The following LEF1 variants were observed in gnomAD, a reference collection of about 807,000 sequenced individuals.
The protein encoded by LEF1 is lymphoid enhancer binding factor 1, also known as lymphoid enhancer-binding factor 1.
LEF1 carries 14 observed loss-of-function variants against 51.2 expected under a neutral mutation model. The observed-to-expected ratio is 0.27, with a 90% CI of 0.18 to 0.43. LEF1 has a LOEUF of 0.43. Among genes scored for constraint, LEF1 ranks in the 20% least tolerant of loss-of-function variants. The probability of loss-of-function intolerance (pLI) is 1.00; values close to 1 mark genes in which losing one functional copy is unlikely to be tolerated. For synonymous variants in LEF1, 185 were observed against 183.2 expected (o/e 1.01, Z -0.08); for missense variants, 386 against 512.0 (o/e 0.75, Z 2.37).
chr4:108,149,596 T>C (rs983602651), intron 3 of LEF1, among the ~76,000 whole-genome samples: 12 of 150,956 alleles, frequency 7.9e-5, no homozygotes, highest in Non-Finnish European at 5.9e-5. Context: ...TATATATTTG[T>C]GTGTATATAT....
intron 3 of LEF1, among the ~76,000 whole-genome samples, chr4:108,137,682 C>A (rs1201824073): frequency 6.6e-6 from 1 of 151,984 alleles, no homozygotes; most frequent in African/African-American, 2.4e-5. Context: ...CTCATCTCAC[C>A]CATCATATCC....
chr4:108,163,682 G>T lies in LEF1; in HGVS notation c.300C>A (p.Gly100=), dbSNP rs761318436. ...HPDDGKHPDG[G]LYNKGPSYSS... is the part of the protein sequence containing the mutation. ...AGTAGGAGGGTCCCTTGTTGTAGAG[G>T]CCTCCATCTGGATGCTTTCCTGGGA... The change falls in exon 3 of 12, where the codon GGC becomes GGA. Residue 100 remains glycine (G), a synonymous_variant. Transcript: ENST00000265165. 6.2e-7 allele frequency: 1 copy of T among 1,613,446 alleles called. No homozygotes were observed.
intron 3 of LEF1, among the ~76,000 whole-genome samples, chr4:108,133,384 T>C (rs886168537): frequency 6.6e-6 from 1 of 152,212 alleles, no homozygotes; most frequent in African/African-American, 2.4e-5. Flanking sequence ...AAGTAATACA[T>C]GTTAAGCAAT....
At chr4:108,096,420 A>G (rs1343546299) in intron 3 of LEF1, among the ~76,000 whole-genome samples, 1 of 152,218 alleles carries the variant, frequency 6.6e-6, no homozygotes, top group Non-Finnish European at 1.5e-5. Context: ...GATCACAGAC[A>G]TGAAAAATAA....
rs1745475920 is a variant in LEF1 at position 108,167,350 on chromosome 4, C to CTACACA, written c.213+199_213+204dup. ...TTACCCTGCCCCTCTACCTCCCATC[C>CTACACA]TACACACACACACACACACACACAC... On this transcript the variant is annotated intron_variant, in intron 1 of 11. Transcript: ENST00000265165. The surrounding 1 kb of genome is among the most constrained non-coding windows in gnomAD (Gnocchi z 5.7). 8.9e-6 allele frequency among the ~76,000 whole-genome samples: 1 copy of CTACACA among 112,116 alleles called. No individual in the cohort carries two copies. The highest frequency in any genetic ancestry group is 1.9e-5 in the Non-Finnish European group (1 of 52,682). 73.6% of individuals were successfully genotyped at this position (112,116 alleles called of 152,430 possible).
chr4:108,153,150 C>G (rs570139103), intron 3 of LEF1, among the ~76,000 whole-genome samples: 2 of 152,314 alleles, frequency 1.3e-5, no homozygotes, highest in South Asian at 2.1e-4. Context: ...AGGAAGGACA[C>G]TCATCTCTTT....
chr4:108,054,611 C>T (rs1039060256), intron 11 of LEF1, among the ~76,000 whole-genome samples: 6 of 152,280 alleles, frequency 3.9e-5, no homozygotes, highest in South Asian at 2.1e-4. Flanking sequence ...CAACTTCACA[C>T]GACACATTCG....
intron 3 of LEF1, among the ~76,000 whole-genome samples, chr4:108,113,380 G>A (rs1371953675): frequency 6.6e-6 from 1 of 152,026 alleles, no homozygotes; most frequent in Admixed American, 6.6e-5. Context: ...TTACAGGGGA[G>A]AAGGGAACAC....
intron 4 of LEF1, among the ~76,000 whole-genome samples, chr4:108,088,745 T>TAACATCTGAAGTAA (rs70949011): frequency 0.83 from 125,542 of 151,978 alleles, 53,268 homozygotes; most frequent in East Asian, 0.96. Flanking sequence ...TTCAAAAGAA[T>TAACATCTGAAGTAA]AAATCTCCTA....
chr4:108,117,400 T>G (rs1179201854), intron 3 of LEF1, among the ~76,000 whole-genome samples: 1 of 152,238 alleles, frequency 6.6e-6, no homozygotes, highest in Non-Finnish European at 1.5e-5. Flanking sequence ...ATGACAAGAT[T>G]CAACCTCCAC....
At chr4:108,089,077 C>T (rs374665100) in intron 4 of LEF1, 48 bp downstream of exon 4, 1 of 1,610,978 alleles carries the variant, frequency 6.2e-7, no homozygotes, top group Non-Finnish European at 8.5e-7. Context: ...TGAGATTTGG[C>T]TCTTCATTTG....
In LEF1 at chr4:108,054,203, C is replaced by T. The variant is rs551551121; in HGVS notation, c.*7-5452G>A. Among the ~76,000 whole-genome samples, 69 of 152,254 alleles carry T rather than the reference C, an allele frequency of 4.5e-4. 1 individual carries two copies. The highest frequency in any genetic ancestry group is 9.2e-4 in the Admixed American group (14 of 15,300). On this transcript the variant is annotated intron_variant, in intron 11 of 11. Coordinates refer to ENST00000265165, the MANE Select transcript of LEF1 (RefSeq NM_016269.5). ...GGAAATCTCGGGCATGCACTCTGAA[C>T]GTACCAAACCTGTTTCCTCATCTGT...
chr4:108,069,032 A>T (rs1738272199), intron 9 of LEF1, among the ~76,000 whole-genome samples: 1 of 152,166 alleles, frequency 6.6e-6, no homozygotes, highest in Admixed American at 6.6e-5. Flanking sequence ...ATAATGAGGG[A>T]GAGTCTTTGG....
chr4:108,128,255 C>A (rs1265087078), intron 3 of LEF1, among the ~76,000 whole-genome samples: 6 of 152,088 alleles, frequency 3.9e-5, no homozygotes, highest in Admixed American at 3.9e-4. Flanking sequence ...GCAGCAGAGT[C>A]CAGCAATCAA....
chr4:108,119,281 C>A (rs1056924759), intron 3 of LEF1, among the ~76,000 whole-genome samples: 1 of 151,076 alleles, frequency 6.6e-6, no homozygotes, highest in African/African-American at 2.4e-5. Flanking sequence ...AATTTTCTAT[C>A]TTTTTTCCTT....
At chr4:108,154,468 C>CAAAAAAA (rs1578404006) in intron 3 of LEF1, among the ~76,000 whole-genome samples, 1 of 71,912 alleles carries the variant, frequency 1.4e-5, no homozygotes, top group Non-Finnish European at 3.0e-5. Context: ...AAAAAAAAAT[C>CAAAAAAA]AGTTGCTTTC....
intron 3 of LEF1, among the ~76,000 whole-genome samples, chr4:108,135,668 G>A (rs929882105): frequency 1.3e-5 from 2 of 152,188 alleles, no homozygotes; most frequent in Admixed American, 6.5e-5. Flanking sequence ...CTCTAGCAGT[G>A]GGAACTGGGG....
At chr4:108,154,359 C>T (rs1744549199) in intron 3 of LEF1, among the ~76,000 whole-genome samples, 1 of 148,204 alleles carries the variant, frequency 6.7e-6, no homozygotes, top group African/African-American at 2.5e-5. Flanking sequence ...GAGTATAACA[C>T]TCACCCCAGT....
intron 3 of LEF1, among the ~76,000 whole-genome samples, chr4:108,160,788 T>G (rs1252508142): frequency 6.6e-6 from 1 of 152,156 alleles, no homozygotes; most frequent in African/African-American, 2.4e-5. Context: ...ATAATTAGAT[T>G]CCAGCAGAAA....
Sources: gnomAD v4.1 joint callset for allele counts (sites outside exome capture counted in the v4.1 genomes callset) on GRCh38, gnomAD v4.1.1 for gene constraint, Gnocchi (gnomAD v3.1) non-coding constraint, MANE v1.5 for transcripts, NCBI Gene and HGNC (gene_info 2026-07-23, HGNC 2026-07-21) for gene names.